AKAP3: variants seen among roughly 807,000 people sequenced by gnomAD.
AKAP3 encodes the protein A-kinase anchoring protein 3, also known as A-kinase anchor protein 3.
AKAP3 carries 27 observed loss-of-function variants against 57.2 expected under a neutral mutation model. The ratio of observed to expected loss-of-function variants is 0.47; its 90% CI spans 0.35 to 0.65. The LOEUF (loss-of-function observed/expected upper bound fraction) is 0.65, where lower values mean the gene tolerates loss of function less well. AKAP3 is among the 30% of genes least tolerant of loss of function. The pLI, the probability that AKAP3 is intolerant of heterozygous loss-of-function variation, is 0.01. For synonymous variants in AKAP3, 334 were observed against 392.3 expected (o/e 0.85, Z 1.76); for missense variants, 959 against 1,040.0 (o/e 0.92, Z 1.07).
chr12:4,620,212 C>T (rs1349509871), intron 5 of AKAP3, among the ~76,000 whole-genome samples: 1 of 152,002 alleles, frequency 6.6e-6, no homozygotes. Context: ...GAGATTGTGG[C>T]CAGACGCGGT....
At chr12:4,630,253 C>T (rs552363998) in intron 4 of AKAP3, among the ~76,000 whole-genome samples, 2 of 152,270 alleles carry the variant, frequency 1.3e-5, no homozygotes, top group East Asian at 1.9e-4. Context: ...GCTTTATAGG[C>T]ACTATTTTGT....
chr12:4,620,953 A>G (rs1038032119), intron 5 of AKAP3, among the ~76,000 whole-genome samples: 1 of 152,202 alleles, frequency 6.6e-6, no homozygotes, highest in East Asian at 1.9e-4. Context: ...CTTCAGGACA[A>G]AGGCATTGTC....
At chr12:4,642,981 G>C (rs1945655342) in intron 2 of AKAP3, among the ~76,000 whole-genome samples, 1 of 152,166 alleles carries the variant, frequency 6.6e-6, no homozygotes, top group African/African-American at 2.4e-5. Context: ...ATATATTCAA[G>C]ACGCCTTGAA....
Position 4,625,234 on chromosome 12 carries a change from C to CA in AKAP3, c.2406+1261dup, listed in dbSNP as rs1309846037. Among the ~76,000 whole-genome samples, 1 of 152,176 alleles carries CA rather than the reference C, an allele frequency of 6.6e-6. No homozygotes were observed. The highest frequency in any genetic ancestry group is 6.5e-5 in the Admixed American group (1 of 15,282). ...GCCTAACTTGAATGTGCACACAACT[C>CA]ACCTGGGTATTTTGCTAAGATGAAG... On this transcript the variant is annotated intron_variant, in intron 5 of 5. Transcript: ENST00000228850. This position sits in a 1 kb window ranked among gnomAD's most constrained non-coding sequence, Gnocchi z 5.4.
chr12:4,634,730 A>AC (rs1801871723), intron 4 of AKAP3, among the ~76,000 whole-genome samples: 1 of 23,890 alleles, frequency 4.2e-5, no homozygotes, highest in African/African-American at 9.8e-5. Context: ...TTTTTTTTTT[A>AC]CCCCATTAAA....
Position 4,616,613 on chromosome 12 carries a change from A to C in AKAP3, c.2407-719T>G, listed in dbSNP as rs1945288418. ...AGAGAAATATCCATGTGAGAAACTGAAACAGAAGAACCAAATGGAAATTTT... is the reference window on the plus strand; with the variant it reads ...AGAGAAATATCCATGTGAGAAACTGCAACAGAAGAACCAAATGGAAATTTT... On this transcript the variant is annotated intron_variant, in intron 5 of 5. Transcript: ENST00000228850. 2.0e-5 allele frequency among the ~76,000 whole-genome samples: 3 copies of C among 152,234 alleles called. No homozygotes were observed. The South Asian group carries it at 6.2e-4, about 32-fold the overall frequency.
At position 4,626,778 on chromosome 12, in the gene AKAP3, C is replaced by T. The variant is rs767344757; in HGVS notation, c.2124G>A (p.Ser708=). 7.9e-5 allele frequency: 127 copies of T among 1,612,032 alleles called. No homozygotes were observed. In the South Asian group the frequency reaches 1.2e-3, roughly 15 times the overall value. ...ACTCATATAAACTATCTGGGAAGGC[C>T]GAAGTTAGCCTACTGGCATCTCCAG... ...DKSGDASRLT[S]AFPDSLYECL... Residue 708 remains serine, a synonymous_variant, in exon 5 of 6, where the codon TCG becomes TCA. Coordinates refer to ENST00000228850, the MANE Select transcript of AKAP3 (RefSeq NM_001278309.2).
intron 5 of AKAP3, among the ~76,000 whole-genome samples, chr12:4,619,044 G>T (rs1308434096): frequency 6.6e-6 from 1 of 152,098 alleles, no homozygotes; most frequent in Non-Finnish European, 1.5e-5. Context: ...ATATATGAAT[G>T]GCTAATGAGC....
chr12:4,628,133 C>G lies in AKAP3; in HGVS notation c.769G>C (p.Gly257Arg). The change falls in exon 5 of 6, where the codon GGT becomes CGT. Residue 257 changes from glycine (G) to arginine (R), a missense_variant. Transcript: ENST00000228850. Reference sequence around the variant, plus strand: ...CTCTCCCGAGGAAAGAACCTTCCACCCTCTCTGGCATAATCTCCATTACGA... The same window carrying G: ...CTCTCCCGAGGAAAGAACCTTCCACGCTCTCTGGCATAATCTCCATTACGA... ...ESRNGDYARE[G>R]GRFFPRERKR... 6.2e-7 allele frequency: 1 copy of G among 1,614,134 alleles called. No individual in the cohort carries two copies.
At chr12:4,648,618 T>C (rs1314727391) in intron 1 of AKAP3, 127 bp downstream of exon 1, 1 of 152,428 alleles carries the variant, frequency 6.6e-6, no homozygotes, top group Non-Finnish European at 1.5e-5. Flanking sequence ...TTTATTTACT[T>C]GGGACACACC....
chr12:4,647,410 T>C (rs1945712567), intron 1 of AKAP3, among the ~76,000 whole-genome samples: 1 of 151,738 alleles, frequency 6.6e-6, no homozygotes, highest in African/African-American at 2.4e-5. Flanking sequence ...CAGTGACTCA[T>C]GCCTGTAATC....
rs1422299514 is a variant in AKAP3, at chr12:4,627,820, GTTCTT to G, written c.1077_1081del (p.Lys359AsnfsTer32). On this transcript the variant is annotated frameshift_variant, in exon 5 of 6. Transcript: ENST00000228850. LOFTEE classifies it high-confidence loss of function. ...CTTTTGGCTTCCATGAGAGAAGACAGTTCTTTTCACAGCCGAGACAAACTGTGTGT... is the reference window on the plus strand; with the variant it reads ...CTTTTGGCTTCCATGAGAGAAGACAGTTCACAGCCGAGACAAACTGTGTGT... The G allele has an allele frequency of 1.2e-6, 2 of 1,614,036 alleles. No homozygotes were observed. Among genetic ancestry groups the G allele is most frequent in the East Asian group, 4.5e-5 (2 of 44,886 alleles).
Position 4,628,712 on chromosome 12 carries a change from C to T in AKAP3, c.190G>A (p.Gly64Arg), listed in dbSNP as rs774854628. 28 of 1,614,044 alleles carry T rather than the reference C, an allele frequency of 1.7e-5. No individual in the cohort carries two copies. In the African/African-American group the frequency reaches 1.7e-4, roughly 10 times the overall value. Residue 64 changes from glycine to arginine, a missense_variant, in exon 5 of 6, where the codon GGA (glycine) becomes AGA (arginine). Physicochemically the swap from Gly to Arg is moderately radical, Grantham distance 125. Transcript: ENST00000228850. ...AEFQDVRFKP[G>R]ESFGGETSNS... ...GACGTTTCCCCACCAAATGATTCTC[C>T]GGGTTTGAACCGAACATCTTGGAAC...
At chr12:4,619,447 C>T (rs1310883243) in intron 5 of AKAP3, among the ~76,000 whole-genome samples, 1 of 151,840 alleles carries the variant, frequency 6.6e-6, no homozygotes, top group Non-Finnish European at 1.5e-5. Flanking sequence ...GTCCCAGCTA[C>T]TCGGGAGGCT....
rs752700778 is a variant in AKAP3 at position 4,627,958 on chromosome 12, G to A, written c.944C>T (p.Thr315Ile). 2 of 1,614,050 alleles carry A rather than the reference G, an allele frequency of 1.2e-6. No individual in the cohort carries two copies. Among genetic ancestry groups the A allele is most frequent in the Non-Finnish European group, 1.7e-6 (2 of 1,180,010 alleles). Residue 315 changes from threonine (T) to isoleucine (I), a missense_variant, in exon 5 of 6, where the codon ACC becomes ATC. By Grantham distance (89) the Thr-to-Ile change is moderately conservative (BLOSUM62 -1). Coordinates refer to ENST00000228850, the MANE Select transcript of AKAP3 (RefSeq NM_001278309.2). ...KIQVKDTTIA[T>I]ILLKKVLLKH... is the part of the protein sequence containing the mutation. ...GAGCAGAACCTTCTTCAGTAGGATG[G>A]TGGCAATGGTTGTGTCTTTCACTTG...
rs902744533 is a variant in AKAP3 at position 4,625,232 on chromosome 12, C to A, written c.2406+1264G>T. 6.6e-6 allele frequency among the ~76,000 whole-genome samples: 1 copy of A among 152,166 alleles called. No individual in the cohort carries two copies. The highest frequency in any genetic ancestry group is 1.9e-4 in the East Asian group (1 of 5,188). On this transcript the variant is annotated intron_variant, in intron 5 of 5. Transcript: ENST00000228850. This position sits in a 1 kb window ranked among gnomAD's most constrained non-coding sequence, Gnocchi z 5.4. The stretch of plus-strand genomic sequence containing the variant: ...TAGCCTAACTTGAATGTGCACACAA[C>A]TCACCTGGGTATTTTGCTAAGATGA...
chr12:4,626,642 C>T lies in AKAP3; in HGVS notation c.2260G>A (p.Ala754Thr). ...TGATTGCTGACAATCACCGTGGGTG[C>T]TGCACACCCTTCAGGGGGCTGTCCT... ...TSGQPPEGCAAPTVIVSNHNL... is the reference protein window; with the variant it reads ...TSGQPPEGCATPTVIVSNHNL... Residue 754 changes from alanine to threonine, a missense_variant, in exon 5 of 6, where the codon GCA becomes ACA. Physicochemically the swap from Ala to Thr is moderately conservative, Grantham distance 58. Coordinates refer to ENST00000228850, the MANE Select transcript of AKAP3 (RefSeq NM_001278309.2). 6.2e-7 allele frequency: 1 copy of T among 1,614,240 alleles called. No homozygotes were observed. Among genetic ancestry groups the T allele is most frequent in the Non-Finnish European group, 8.5e-7 (1 of 1,180,040 alleles).
At chr12:4,647,522 T>G (rs1945713916) in intron 1 of AKAP3, among the ~76,000 whole-genome samples, 1 of 150,598 alleles carries the variant, frequency 6.6e-6, no homozygotes, top group Non-Finnish European at 1.5e-5. Flanking sequence ...AAAAAAAAAG[T>G]CAGTGTTCTT....
At chr12:4,617,928 C>G (rs1052610400) in intron 5 of AKAP3, among the ~76,000 whole-genome samples, 6 of 152,048 alleles carry the variant, frequency 3.9e-5, no homozygotes, top group African/African-American at 1.5e-4. Flanking sequence ...ATTGATGCTA[C>G]ATGGATTCTG....
Sources: allele counts gnomAD v4.1 joint callset (sites outside exome capture counted in the v4.1 genomes callset), GRCh38; gene constraint gnomAD v4.1.1; non-coding constraint Gnocchi (gnomAD v3.1); transcripts MANE v1.5; gene names NCBI Gene and HGNC (gene_info 2026-07-23, HGNC 2026-07-21).